Variants in FUT8 observed in about 807,000 individuals in gnomAD.
FUT8 encodes the protein fucosyltransferase 8, also known as alpha-(1,6)-fucosyltransferase.
FUT8 carries 29 observed loss-of-function variants against 71.3 expected under a neutral mutation model. That is an observed-to-expected ratio of 0.41 (90% confidence interval 0.30 to 0.55). The LOEUF (loss-of-function observed/expected upper bound fraction) is 0.55. Ranked by LOEUF, FUT8 falls within the 20% of genes least tolerant of loss-of-function variation. FUT8 has a pLI of 0.34. For missense variants in FUT8, 544 were observed against 702.1 expected (o/e 0.77, Z 2.55); for synonymous variants, 254 against 239.3 (o/e 1.06, Z -0.57).
intron 1 of FUT8, among the ~76,000 whole-genome samples, chr14:65,427,141 C>T (rs947390696): frequency 3.9e-5 from 6 of 152,098 alleles, no homozygotes; most frequent in Non-Finnish European, 7.4e-5. Flanking sequence ...GGATTACAGG[C>T]GTGAACCACC....
chr14:65,388,417 C>T, the FUT8 span, among the ~76,000 whole-genome samples: 3 of 152,206 alleles, frequency 2.0e-5, no homozygotes, highest in East Asian at 5.8e-4. Context: ...GATCCATTTA[C>T]CTAATAAGGA....
chr14:65,370,478 G>A, the FUT8 span, among the ~76,000 whole-genome samples: 1 of 151,396 alleles, frequency 6.6e-6, no homozygotes, highest in Admixed American at 6.6e-5. Context: ...AAAGTGCTAG[G>A]ATTACAGGCG....
intron 2 of FUT8, among the ~76,000 whole-genome samples, chr14:65,559,514 T>C (rs113370672): frequency 6.6e-6 from 1 of 152,164 alleles, no homozygotes; most frequent in African/African-American, 2.4e-5. Context: ...TGGAGGGTAC[T>C]GAGAGACAAC....
At chr14:65,661,997 C>T (rs1268944832) in intron 6 of FUT8, among the ~76,000 whole-genome samples, 1 of 152,106 alleles carries the variant, frequency 6.6e-6, no homozygotes, top group East Asian at 1.9e-4. Context: ...CTTATTGATT[C>T]AAGTATTGTT....
At chr14:65,474,305 T>C (rs1462215006) in intron 2 of FUT8, among the ~76,000 whole-genome samples, 1 of 151,006 alleles carries the variant, frequency 6.6e-6, no homozygotes, top group Non-Finnish European at 1.5e-5. Flanking sequence ...ATAAAAAAGA[T>C]ATTTAAAAAA....
intron 3 of FUT8, among the ~76,000 whole-genome samples, chr14:65,600,354 G>A (rs904812031): frequency 2.0e-5 from 3 of 152,098 alleles, no homozygotes; most frequent in African/African-American, 7.2e-5. Context: ...TCAGTGATTT[G>A]TTTGTGTTAC....
the FUT8 span, among the ~76,000 whole-genome samples, chr14:65,391,396 C>T: frequency 6.6e-6 from 1 of 152,112 alleles, no homozygotes. Flanking sequence ...ACTCTTGTTG[C>T]CCAGGCTGCA....
intron 2 of FUT8, among the ~76,000 whole-genome samples, chr14:65,456,940 T>C (rs1483650767): frequency 6.6e-6 from 1 of 152,020 alleles, no homozygotes; most frequent in African/African-American, 2.4e-5. Flanking sequence ...TCAGGGTACA[T>C]GTGATAATTT....
intron 5 of FUT8, among the ~76,000 whole-genome samples, chr14:65,619,269 GTGT>G (rs1475794921): frequency 2.0e-5 from 3 of 152,274 alleles, no homozygotes; most frequent in Admixed American, 2.0e-4. Context: ...CACGATGCCT[GTGT>G]TGTTTCCTGG....
rs1423548221 is a variant in FUT8 at position 65,550,903 on chromosome 14, G to A, written c.-227-10434G>A. ...GCAATTACGTTGTTTTTCCAGTTTAGTGCTGTTGCAGACAATGATGTAAAG... is the reference window on the plus strand; with the variant it reads ...GCAATTACGTTGTTTTTCCAGTTTAATGCTGTTGCAGACAATGATGTAAAG... On this transcript the variant is annotated intron_variant, in intron 2 of 10. Coordinates refer to ENST00000673929, the MANE Select transcript of FUT8 (RefSeq NM_001371533.1). The surrounding 1 kb of genome is among the most constrained non-coding windows in gnomAD (Gnocchi z 4.5). 6.6e-6 allele frequency among the ~76,000 whole-genome samples: 1 copy of A among 151,994 alleles called. No individual in the cohort carries two copies. The highest frequency in any genetic ancestry group is 6.6e-5 in the Admixed American group (1 of 15,260).
At chr14:65,616,118 C>T (rs2140223796) in intron 4 of FUT8, 25 bp downstream of exon 4, 1 of 1,605,692 alleles carries the variant, frequency 6.2e-7, no homozygotes, top group South Asian at 1.1e-5. Flanking sequence ...AGTGTTTTCC[C>T]CTCCTCAGTA....
At chr14:65,487,669 C>G (rs1399067591) in intron 2 of FUT8, among the ~76,000 whole-genome samples, 2 of 151,974 alleles carry the variant, frequency 1.3e-5, no homozygotes, top group South Asian at 2.1e-4. Flanking sequence ...TTCCAGCCCC[C>G]CAAAATAGAA....
intron 5 of FUT8, among the ~76,000 whole-genome samples, chr14:65,617,357 A>G (rs1889341293): frequency 6.6e-6 from 1 of 152,302 alleles, no homozygotes; most frequent in South Asian, 2.1e-4. Flanking sequence ...GGGGCAGTGA[A>G]TTATTAGGCC....
chr14:65,545,676 T>C (rs549784060), intron 2 of FUT8, among the ~76,000 whole-genome samples: 57 of 151,964 alleles, frequency 3.8e-4, no homozygotes, highest in Non-Finnish European at 6.3e-4. Context: ...ATAACTCTTA[T>C]AACTGCAGTG....
At chr14:65,670,589 A>C (rs559021890) in intron 7 of FUT8, among the ~76,000 whole-genome samples, 25 of 152,272 alleles carry the variant, frequency 1.6e-4, no homozygotes, top group Non-Finnish European at 7.4e-5. Flanking sequence ...TTTTTCAAAA[A>C]ACTGAGGCAC....
intron 1 of FUT8, among the ~76,000 whole-genome samples, chr14:65,441,775 A>T (rs1236784262): frequency 1.5e-5 from 2 of 132,874 alleles, no homozygotes; most frequent in Admixed American, 7.6e-5. Context: ...AAAAAAAAAA[A>T]AAATCAGTTT....
intron 3 of FUT8, among the ~76,000 whole-genome samples, chr14:65,567,519 C>T (rs372619149): frequency 6.6e-6 from 1 of 151,882 alleles, no homozygotes; most frequent in East Asian, 1.9e-4. Context: ...AGACCGTCTT[C>T]TCTATAACTC....
intron 3 of FUT8, among the ~76,000 whole-genome samples, chr14:65,613,427 A>G (rs1374448259): frequency 6.6e-6 from 1 of 152,174 alleles, no homozygotes; most frequent in Non-Finnish European, 1.5e-5. Flanking sequence ...TAGAAACATA[A>G]CTTTAAAAAA....
At chr14:65,414,043 G>A (rs922914633) in intron 1 of FUT8, among the ~76,000 whole-genome samples, 3 of 152,124 alleles carry the variant, frequency 2.0e-5, no homozygotes, top group Non-Finnish European at 2.9e-5. Flanking sequence ...TTAAAGGCAC[G>A]GACAGGTGGT....
Sources: gnomAD v4.1 joint callset for allele counts (sites outside exome capture counted in the v4.1 genomes callset) on GRCh38, gnomAD v4.1.1 for gene constraint, Gnocchi (gnomAD v3.1) non-coding constraint, MANE v1.5 for transcripts, NCBI Gene and HGNC (gene_info 2026-07-23, HGNC 2026-07-21) for gene names.